The following C12orf60 variants were observed in gnomAD, a reference collection of about 807,000 sequenced individuals.
C12orf60 encodes uncharacterized protein C12orf60.
For missense variants in C12orf60, 284 were observed against 283.2 expected (o/e 1.00, Z -0.02); for synonymous variants, 102 against 94.6 (o/e 1.08, Z -0.45).
intron 1 of C12orf60, among the ~76,000 whole-genome samples, chr12:14,818,640 C>T (rs1297697562): frequency 6.6e-6 from 1 of 152,082 alleles, no homozygotes; most frequent in African/African-American, 2.4e-5. Flanking sequence ...TTTAGCTGGA[C>T]ATGGTGGTGT....
intron 1 of C12orf60, among the ~76,000 whole-genome samples, chr12:14,820,147 T>C (rs904466377): frequency 2.6e-5 from 4 of 152,062 alleles, no homozygotes; most frequent in Non-Finnish European, 4.4e-5. Context: ...GTTGAATTTA[T>C]GCACTCAGAG....
Position 14,808,320 on chromosome 12 carries a change from G to A in C12orf60, c.-25+4569G>A, listed in dbSNP as rs1296394762. ...TCTAAATTTGAGCCAGTAAGAGCAC[G>A]ATGCTACTCAATATGCATACTTTGA... is the stretch of plus-strand genomic sequence containing the variant. On this transcript the variant is annotated intron_variant, in intron 1 of 1. Coordinates refer to ENST00000330828, the MANE Select transcript of C12orf60 (RefSeq NM_175874.4). Among the ~76,000 whole-genome samples the A allele has an allele frequency of 2.0e-4, 31 of 151,892 alleles. 1 individual carries two copies. Among genetic ancestry groups the A allele is most frequent in the Admixed American group, 2.0e-3 (31 of 15,260 alleles).
In C12orf60 at chr12:14,809,054, T is replaced by G. The variant is rs1314127499; in HGVS notation, c.-25+5303T>G. On this transcript the variant is annotated intron_variant, in intron 1 of 1. Coordinates refer to ENST00000330828, the MANE Select transcript of C12orf60 (RefSeq NM_175874.4). Reference sequence around the variant, plus strand: ...TTATTATGAAGTGAAAACTCTAGTTTCTGACTGACAGGAGAAAATTAGCTA... The same window carrying G: ...TTATTATGAAGTGAAAACTCTAGTTGCTGACTGACAGGAGAAAATTAGCTA... 5.3e-5 allele frequency among the ~76,000 whole-genome samples: 8 copies of G among 152,358 alleles called. No homozygotes were observed. In the East Asian group the frequency reaches 1.5e-3, roughly 29 times the overall value.
At chr12:14,810,244 G>C (rs1950116074) in intron 1 of C12orf60, among the ~76,000 whole-genome samples, 2 of 152,150 alleles carry the variant, frequency 1.3e-5, no homozygotes, top group African/African-American at 2.4e-5. Flanking sequence ...GTATGTCTGA[G>C]CTCCAGTTCT....
At chr12:14,822,740 ATT>A (rs1032720990) in intron 1 of C12orf60, among the ~76,000 whole-genome samples, 170 bp from the exon 2 acceptor site, 7 of 152,200 alleles carry the variant, frequency 4.6e-5, no homozygotes, top group African/African-American at 1.7e-4. Context: ...TGTTTTAATT[ATT>A]TTTGTTATTA....
chr12:14,823,213 C>G lies in C12orf60; in HGVS notation c.278C>G (p.Ala93Gly). 1 of 1,614,078 alleles carries G rather than the reference C, an allele frequency of 6.2e-7. No individual in the cohort carries two copies. Among genetic ancestry groups the G allele is most frequent in the Middle Eastern group, 1.7e-4 (1 of 6,060 alleles). ...KESLCSKVAM[A>G]MCSVVQKSTN... ...TCTTTATGTTCCAAGGTTGCAATGGCCATGTGCTCTGTGGTTCAGAAGAGT... is the reference window on the plus strand; with the variant it reads ...TCTTTATGTTCCAAGGTTGCAATGGGCATGTGCTCTGTGGTTCAGAAGAGT... Residue 93 changes from alanine to glycine, a missense_variant, in exon 2 of 2, where the codon GCC (alanine) becomes GGC (glycine). Transcript: ENST00000330828.
intron 1 of C12orf60, among the ~76,000 whole-genome samples, chr12:14,819,926 A>G (rs759938422): frequency 9.9e-5 from 15 of 151,930 alleles, no homozygotes; most frequent in Non-Finnish European, 1.6e-4. Context: ...TGTTTTCTGG[A>G]GGATATTGTA....
intron 1 of C12orf60, among the ~76,000 whole-genome samples, chr12:14,809,331 T>C (rs532607224): frequency 6.6e-6 from 1 of 152,292 alleles, no homozygotes; most frequent in South Asian, 2.1e-4. Flanking sequence ...AATCGTAAAA[T>C]GTATCTGAAA....
At chr12:14,820,396 G>C (rs1360754566) in intron 1 of C12orf60, among the ~76,000 whole-genome samples, 1 of 151,382 alleles carries the variant, frequency 6.6e-6, no homozygotes, top group Non-Finnish European at 1.5e-5. Context: ...TTGAATGTTT[G>C]CTCTTTCTTT....
chr12:14,823,499 G>GA lies in C12orf60; in HGVS notation c.570dup (p.Leu191ThrfsTer8), dbSNP rs1950338198. ...CCAAAACCACTATGATAGACACCTT[G>GA]AAAAAACTGCAGGATGTACTAAAAA... On this transcript the variant is annotated frameshift_variant, in exon 2 of 2. Coordinates refer to ENST00000330828, the MANE Select transcript of C12orf60 (RefSeq NM_175874.4). LOFTEE classifies it low-confidence loss of function (END_TRUNC). 4 of 1,612,354 alleles carry GA rather than the reference G, an allele frequency of 2.5e-6. No individual in the cohort carries two copies. The highest frequency in any genetic ancestry group is 2.7e-5 in the African/African-American group (2 of 74,732).
intron 1 of C12orf60, among the ~76,000 whole-genome samples, chr12:14,822,397 G>A (rs1421856173): frequency 1.3e-5 from 2 of 151,942 alleles, no homozygotes; most frequent in East Asian, 3.9e-4. Context: ...TTGCTTTATT[G>A]TCCTTTAAAT....
intron 1 of C12orf60, among the ~76,000 whole-genome samples, chr12:14,820,018 G>A (rs1413308778): frequency 6.6e-6 from 1 of 152,022 alleles, no homozygotes; most frequent in African/African-American, 2.4e-5. Flanking sequence ...TCTAGAAGGT[G>A]TTTAACTACA....
intron 1 of C12orf60, among the ~76,000 whole-genome samples, chr12:14,806,980 C>A (rs140190648): frequency 0.014 from 2,134 of 152,252 alleles, 37 homozygotes; most frequent in African/African-American, 0.047. Context: ...TACAGGCATA[C>A]ACTGCCATGC....
chr12:14,810,281 C>A (rs1950116351), intron 1 of C12orf60, among the ~76,000 whole-genome samples: 1 of 152,100 alleles, frequency 6.6e-6, no homozygotes, highest in Non-Finnish European at 1.5e-5. Context: ...TATTTCTACA[C>A]CCCAAATGAG....
rs895175224 is a variant in C12orf60, at chr12:14,821,996, G to A, written c.-24-916G>A. 1.4e-4 allele frequency among the ~76,000 whole-genome samples: 19 copies of A among 131,662 alleles called. No homozygotes were observed. In the East Asian group the frequency reaches 4.2e-3, roughly 29 times the overall value. The allele number at this position is 131,662 out of a possible 152,430, so 86.4% of individuals were successfully genotyped here. A position where few individuals can be genotyped will look rare whatever the true frequency, so the allele number is the denominator to read the frequency against. Reference sequence around the variant, plus strand: ...GGCTGACCTCTGCTGTACTTGTGAGGTGTGTGTGGGGGTGGGGTGGGGAGT... The same window carrying A: ...GGCTGACCTCTGCTGTACTTGTGAGATGTGTGTGGGGGTGGGGTGGGGAGT... On this transcript the variant is annotated intron_variant, in intron 1 of 1. Coordinates refer to ENST00000330828, the MANE Select transcript of C12orf60 (RefSeq NM_175874.4).
At chr12:14,807,691 T>G (rs1950074900) in intron 1 of C12orf60, among the ~76,000 whole-genome samples, 1 of 152,186 alleles carries the variant, frequency 6.6e-6, no homozygotes, top group African/African-American at 2.4e-5. Flanking sequence ...TAAAATTTCA[T>G]GTGGGGAGAA....
chr12:14,805,012 T>G (rs1950026447), intron 1 of C12orf60: 1 of 152,266 alleles, frequency 6.6e-6, no homozygotes, highest in African/African-American at 2.4e-5. Context: ...CTGCAGAGAT[T>G]CAGCGGAACC....
chr12:14,811,074 C>T (rs990385162), intron 1 of C12orf60, among the ~76,000 whole-genome samples: 8 of 152,188 alleles, frequency 5.3e-5, no homozygotes, highest in Non-Finnish European at 1.0e-4. Flanking sequence ...TATATTTAAT[C>T]CAGCTCTAAT....
In C12orf60 at chr12:14,813,497, G is replaced by C. The variant is rs554911367; in HGVS notation, c.-24-9415G>C. Among the ~76,000 whole-genome samples the C allele has an allele frequency of 3.3e-5, 5 of 152,296 alleles. No individual in the cohort carries two copies. The East Asian group carries it at 9.6e-4, about 29-fold the overall frequency. ...TCTGATATAAATTCATTTAAAAAAT[G>C]TTTCTGACCAGAAAGAAGAATATTA... is the stretch of plus-strand genomic sequence containing the variant. On this transcript the variant is annotated intron_variant, in intron 1 of 1. Transcript: ENST00000330828.
Sources: allele counts gnomAD v4.1 joint callset (sites outside exome capture counted in the v4.1 genomes callset), GRCh38; gene constraint gnomAD v4.1.1; transcripts MANE v1.5; gene names NCBI Gene and HGNC (gene_info 2026-07-23, HGNC 2026-07-21).